TPRKB: variants seen among roughly 807,000 people sequenced by gnomAD.
TPRKB encodes TP53RK binding protein, also known as EKC/KEOPS complex subunit TPRKB.
In TPRKB, 11 loss-of-function variants were observed where a neutral mutation model predicts 17.8. The ratio of observed to expected loss-of-function variants is 0.62; its 90% CI spans 0.39 to 1.02. The LOEUF is 1.02. Among genes scored for constraint, TPRKB ranks in the 50% least tolerant of loss-of-function variants. The pLI, the probability that TPRKB is intolerant of heterozygous loss-of-function variation, is 0.00. For missense variants in TPRKB, 228 were observed against 198.0 expected (o/e 1.15, Z -0.91); for synonymous variants, 71 against 69.5 (o/e 1.02, Z -0.11).
intron 2 of TPRKB, among the ~76,000 whole-genome samples, chr2:73,733,631 C>T (rs1023577096): frequency 4.6e-5 from 7 of 152,044 alleles, no homozygotes; most frequent in Admixed American, 2.0e-4. Flanking sequence ...AGACCCAGAC[C>T]ACAACCTTTC....
chr2:73,734,935 A>T (rs1671810936), intron 1 of TPRKB, among the ~76,000 whole-genome samples: 1 of 152,234 alleles, frequency 6.6e-6, no homozygotes, highest in Non-Finnish European at 1.5e-5. Context: ...GTATTAATGA[A>T]GTCTTACTCT....
At chr2:73,730,201 A>T (rs1671533690) in intron 4 of TPRKB, 172 bp from the exon 5 acceptor site, 1 of 768,994 alleles carries the variant, frequency 1.3e-6, no homozygotes, top group Non-Finnish European at 1.8e-6. Context: ...CATTACTTGT[A>T]TCCCCTTTAA....
intron 4 of TPRKB, 143 bp downstream of exon 4, chr2:73,730,417 T>A: frequency 1.7e-6 from 1 of 580,128 alleles, no homozygotes. Flanking sequence ...GTTCTTTGTA[T>A]CTGTAATTTT....
At chr2:73,730,759 A>G (rs763007097) in intron 3 of TPRKB, 23 bp from the exon 4 acceptor site, 1 of 1,474,266 alleles carries the variant, frequency 6.8e-7, no homozygotes, top group Non-Finnish European at 9.0e-7. Flanking sequence ...AAATGAAAAA[A>G]AAAACACAAG....
At chr2:73,733,246 GTTTTTTTGTTTTT>G (rs1003949091) in intron 2 of TPRKB, among the ~76,000 whole-genome samples, 5 of 119,422 alleles carry the variant, frequency 4.2e-5, no homozygotes, top group African/African-American at 5.9e-5. Context: ...CGTGTGCCCT[GTTTTTTTGTTTTT>G]TTTTTTTTTT....
At position 73,732,164 on chromosome 2, in the gene TPRKB, T is replaced by C. The variant is rs1671641105; in HGVS notation, c.263A>G (p.Asn88Ser). 8.7e-6 allele frequency: 14 copies of C among 1,613,208 alleles called. No individual in the cohort carries two copies. Among genetic ancestry groups the C allele is most frequent in the Non-Finnish European group, 1.1e-5 (13 of 1,179,658 alleles). ...CAGAAATAGGAAAGTGCACATTACA[T>C]TGTTATTTGGGGAAAGGTTGAAAAT... is the stretch of plus-strand genomic sequence containing the variant. ...EIIFNLSPNN[N>S]ISEALKKFGI... is the part of the protein sequence containing the mutation. The change falls in exon 3 of 5, where the codon AAT (asparagine) becomes AGT (serine). Residue 88 changes from asparagine to serine, a missense_variant and splice_region_variant. Transcript: ENST00000272424.
chr2:73,734,648 A>G lies in TPRKB; in HGVS notation c.-22-57T>C, dbSNP rs1671797463. On this transcript the variant is annotated intron_variant, in intron 1 of 4. Coordinates refer to ENST00000272424, the MANE Select transcript of TPRKB (RefSeq NM_016058.5). The stretch of plus-strand genomic sequence containing the variant: ...CATTTAAAAGTTAACATCAGAACTC[A>G]TTTCTTAATAAATATTCAAAAACTT... The G allele has an allele frequency of 5.0e-6, 7 of 1,397,188 alleles. No individual in the cohort carries two copies. The East Asian group carries it at 1.7e-4, about 33-fold the overall frequency. 86.5% of individuals were successfully genotyped at this position (1,397,188 alleles called of 1,614,324 possible).
chr2:73,732,430 G>A (rs1484818658), intron 2 of TPRKB, 145 bp from the exon 3 acceptor site: 12 of 958,090 alleles, frequency 1.3e-5, no homozygotes, highest in East Asian at 8.1e-5. Flanking sequence ...CTATTATCCC[G>A]GCTGGGCACG....
At chr2:73,732,924 T>G (rs115731789) in intron 2 of TPRKB, among the ~76,000 whole-genome samples, 1,596 of 152,238 alleles carry the variant, frequency 0.01, 33 homozygotes, top group African/African-American at 0.035. Context: ...GACACTATTA[T>G]TAGTAGTAGT....
At position 73,732,158 on chromosome 2, in the gene TPRKB, A is replaced by G. The variant is rs1431646350; in HGVS notation, c.264+5T>C. ...GGTCAACAGAAATAGGAAAGTGCAC[A>G]TTACATTGTTATTTGGGGAAAGGTT... On this transcript the variant is annotated splice_donor_5th_base_variant and intron_variant, in intron 3 of 4. Coordinates refer to ENST00000272424, the MANE Select transcript of TPRKB (RefSeq NM_016058.5). The G allele has an allele frequency of 6.2e-7, 1 of 1,612,612 alleles. No individual in the cohort carries two copies. The highest frequency in any genetic ancestry group is 8.5e-7 in the Non-Finnish European group (1 of 1,179,510).
chr2:73,732,396 T>A (rs1312701267), intron 2 of TPRKB, 111 bp from the exon 3 acceptor site: 15 of 1,203,816 alleles, frequency 1.2e-5, no homozygotes, highest in Non-Finnish European at 1.7e-5. Context: ...TTCATCACAA[T>A]TCTTACGGTC....
At chr2:73,730,909 C>A (rs1001742641) in intron 3 of TPRKB, 173 bp from the exon 4 acceptor site, 1 of 492,518 alleles carries the variant, frequency 2.0e-6, no homozygotes, top group Admixed American at 4.4e-5. Context: ...TCCATTGGCA[C>A]TTCCTCAAAA....
rs764609385 is a variant in TPRKB at position 73,734,492 on chromosome 2, C to T, written c.78G>A (p.Ala26=). The T allele has an allele frequency of 2.4e-5, 38 of 1,613,914 alleles. No individual in the cohort carries two copies. Among genetic ancestry groups the T allele is most frequent in the South Asian group, 4.4e-5 (4 of 91,078 alleles). The stretch of plus-strand genomic sequence containing the variant: ...CCATGGCCTTTCTTCTCAAGTCTCC[C>T]GCATTTTTTACATCTTTAAATAACA... ...TLLLFKDVKN[A]GDLRRKAMEG... is the part of the protein sequence containing the mutation. Residue 26 remains alanine, a synonymous_variant, in exon 2 of 5, where the codon GCG becomes GCA. Coordinates refer to ENST00000272424, the MANE Select transcript of TPRKB (RefSeq NM_016058.5).
intron 1 of TPRKB, among the ~76,000 whole-genome samples, chr2:73,735,462 T>C (rs1311029807): frequency 6.6e-6 from 1 of 152,154 alleles, no homozygotes; most frequent in African/African-American, 2.4e-5. Context: ...GTTGTGCACA[T>C]GTACCCTAGA....
chr2:73,730,423 A>T lies in TPRKB; in HGVS notation c.441+137T>A, dbSNP rs535824844. ...CACCTCCCAGTTCTTTGTATCTGTA[A>T]TTTTTAAGTAATTTTTAAAATTAGA... On this transcript the variant is annotated intron_variant, in intron 4 of 4. Transcript: ENST00000272424. The T allele has an allele frequency of 1.1e-4, 69 of 610,288 alleles. No homozygotes were observed. The South Asian group carries it at 1.8e-3, about 16-fold the overall frequency. 37.8% of individuals were successfully genotyped at this position (610,288 alleles called of 1,614,324 possible).
intron 1 of TPRKB, among the ~76,000 whole-genome samples, chr2:73,735,463 G>A (rs1414020401): frequency 6.6e-6 from 1 of 152,132 alleles, no homozygotes; most frequent in Non-Finnish European, 1.5e-5. Context: ...TTGTGCACAT[G>A]TACCCTAGAA....
Position 73,737,309 on chromosome 2 carries a change from C to T in TPRKB, c.-30G>A, listed in dbSNP as rs994711243. The T allele has an allele frequency of 6.6e-6, 1 of 152,264 alleles. No individual in the cohort carries two copies. The highest frequency in any genetic ancestry group is 2.4e-5 in the African/African-American group (1 of 41,448). 9.4% of individuals were successfully genotyped at this position (152,264 alleles called of 1,614,324 possible). ...AGCGCAAGGAAAACTCACCATCCGG[C>T]CCCCAGTGCGTCTCGGAAGAGCTCC... On this transcript the variant is annotated 5_prime_UTR_variant, in exon 1 of 5. Coordinates refer to ENST00000272424, the MANE Select transcript of TPRKB (RefSeq NM_016058.5).
chr2:73,735,500 G>A (rs1044019696), intron 1 of TPRKB, among the ~76,000 whole-genome samples: 14 of 152,044 alleles, frequency 9.2e-5, no homozygotes, highest in African/African-American at 3.4e-4. Context: ...AAAAAAAAAG[G>A]ATAAAGTATC....
chr2:73,736,519 C>T (rs1378357027), intron 1 of TPRKB, among the ~76,000 whole-genome samples: 2 of 152,178 alleles, frequency 1.3e-5, no homozygotes, highest in East Asian at 1.9e-4. Context: ...TCTTGTTTAG[C>T]GTAATTTACT....
Sources: gnomAD v4.1 joint callset for allele counts (sites outside exome capture counted in the v4.1 genomes callset) on GRCh38, gnomAD v4.1.1 for gene constraint, MANE v1.5 for transcripts, NCBI Gene and HGNC (gene_info 2026-07-23, HGNC 2026-07-21) for gene names.